The following MED13L variants were observed in gnomAD, a reference collection of about 807,000 sequenced individuals.
MED13L encodes mediator of RNA polymerase II transcription subunit 13-like.
MED13L carries 7 observed loss-of-function variants against 220.9 expected under a neutral mutation model. The ratio of observed to expected loss-of-function variants is 0.03; its 90% CI spans 0.02 to 0.06. The LOEUF (loss-of-function observed/expected upper bound fraction) is 0.06. Ranked by LOEUF, MED13L falls within the 10% of genes least tolerant of loss-of-function variation. MED13L has a pLI of 1.00. For missense variants in MED13L, 1,965 were observed against 2,760.5 expected (o/e 0.71, Z 6.46); for synonymous variants, 1,011 against 1,015.2 (o/e 1.00, Z 0.08).
In MED13L at chr12:116,022,610, G is replaced by C. The variant is rs747533413; in HGVS notation, c.480-9C>G. 1.2e-5 allele frequency: 19 copies of C among 1,609,822 alleles called. No individual in the cohort carries two copies. The highest frequency in any genetic ancestry group is 1.6e-5 in the Non-Finnish European group (19 of 1,177,842). On this transcript the variant is annotated splice_polypyrimidine_tract_variant and intron_variant, in intron 4 of 30. Coordinates refer to ENST00000281928, the MANE Select transcript of MED13L (RefSeq NM_015335.5). ...CACAGGACAAATGCTCACTACAAAA[G>C]AGAGAATGAGAAACTCAACTTTATA... is the stretch of plus-strand genomic sequence containing the variant.
intron 2 of MED13L, among the ~76,000 whole-genome samples, chr12:116,114,619 A>G (rs1234189009): frequency 6.6e-6 from 1 of 152,210 alleles, no homozygotes; most frequent in African/African-American, 2.4e-5. Flanking sequence ...ATTCCACATT[A>G]TACCTGAATT....
chr12:116,023,884 A>G (rs1159399946), intron 4 of MED13L, among the ~76,000 whole-genome samples: 1 of 152,244 alleles, frequency 6.6e-6, no homozygotes, highest in East Asian at 1.9e-4. Flanking sequence ...TAGGTATAAA[A>G]TAATATAAAC....
intron 1 of MED13L, among the ~76,000 whole-genome samples, chr12:116,252,089 T>C (rs867040096): frequency 3.9e-5 from 6 of 152,068 alleles, no homozygotes; most frequent in African/African-American, 1.5e-4. Flanking sequence ...AAAATTATAA[T>C]TGGAGACTTC....
chr12:116,002,211 A>C (rs1409231647), intron 14 of MED13L, among the ~76,000 whole-genome samples: 1 of 152,214 alleles, frequency 6.6e-6, no homozygotes, highest in Non-Finnish European at 1.5e-5. Flanking sequence ...AAAGCTATGG[A>C]TCCACTAAAG....
rs769874135 is a variant in MED13L, at chr12:115,966,121, C to T, written c.6348G>A (p.Ser2116=). The part of the protein sequence containing the change: ...AENLPQWFWS[S]CPQAQNQCPL... ...GGCACTGGTTTTGAGCCTGGGGACA[C>T]GATGACCAAAACCACTGGGGAAGAT... The change falls in exon 29 of 31, where the codon TCG becomes TCA. Residue 2116 remains serine, a synonymous_variant. Transcript: ENST00000281928. 63 of 1,614,046 alleles carry T rather than the reference C, an allele frequency of 3.9e-5. No individual in the cohort carries two copies. The highest frequency in any genetic ancestry group is 1.5e-4 in the Admixed American group (9 of 60,002).
At chr12:116,274,343 T>TA (rs1873634435) in intron 1 of MED13L, among the ~76,000 whole-genome samples, 1 of 150,026 alleles carries the variant, frequency 6.7e-6, no homozygotes, top group Admixed American at 6.7e-5. Context: ...GTACAGAACT[T>TA]AATCTCTTAT....
Position 116,199,088 on chromosome 12 carries a change from G to T in MED13L, c.310+38380C>A, listed in dbSNP as rs547411082. 3.2e-3 allele frequency among the ~76,000 whole-genome samples: 492 copies of T among 152,264 alleles called. 4 individuals carry two copies. Among genetic ancestry groups the T allele is most frequent in the African/African-American group, 0.011 (458 of 41,544 alleles). On this transcript the variant is annotated intron_variant, in intron 2 of 30. Coordinates refer to ENST00000281928, the MANE Select transcript of MED13L (RefSeq NM_015335.5). Reference sequence around the variant, plus strand: ...ACCCATTTAGAGAAAAAGTTACCATGTTCTTATTTGCTTGTTCTTTCTCCT... The same window carrying T: ...ACCCATTTAGAGAAAAAGTTACCATTTTCTTATTTGCTTGTTCTTTCTCCT...
At chr12:116,207,816 C>T (rs1882446901) in intron 2 of MED13L, among the ~76,000 whole-genome samples, 2 of 151,746 alleles carry the variant, frequency 1.3e-5, no homozygotes, top group Non-Finnish European at 2.9e-5. Flanking sequence ...TAAGTCTGTT[C>T]ACTGAAAAGG....
chr12:116,240,733 G>A (rs1018857275), intron 1 of MED13L, among the ~76,000 whole-genome samples: 1 of 149,816 alleles, frequency 6.7e-6, no homozygotes, highest in African/African-American at 2.5e-5. Flanking sequence ...AGACGGGGGG[G>A]TTTCACTGTG....
At chr12:116,165,259 C>CT (rs34196219) in intron 2 of MED13L, among the ~76,000 whole-genome samples, 4,610 of 74,458 alleles carry the variant, frequency 0.062, 554 homozygotes, top group African/African-American at 0.13. Context: ...AGGCACCATC[C>CT]TTTTTTTTTT....
rs999709148 is a variant in MED13L, at chr12:115,959,877, C to T, written c.*1389G>A. Reference sequence around the variant, plus strand: ...AGGACATGGAAGTCTCTTGGAAGAACTTTTAAAATTTGCATGATTCTCTCC... The same window carrying T: ...AGGACATGGAAGTCTCTTGGAAGAATTTTTAAAATTTGCATGATTCTCTCC... On this transcript the variant is annotated 3_prime_UTR_variant, in exon 31 of 31. Coordinates refer to ENST00000281928, the MANE Select transcript of MED13L (RefSeq NM_015335.5). 3.9e-5 allele frequency: 6 copies of T among 152,496 alleles called. No homozygotes were observed. The highest frequency in any genetic ancestry group is 1.3e-4 in the Admixed American group (2 of 15,266). 9.4% of individuals were successfully genotyped at this position (152,496 alleles called of 1,614,324 possible).
chr12:116,049,416 T>C (rs1283397635), intron 4 of MED13L, among the ~76,000 whole-genome samples: 3 of 152,290 alleles, frequency 2.0e-5, no homozygotes, highest in Admixed American at 1.3e-4. Flanking sequence ...CTTAAATGTA[T>C]CACATAATTT....
chr12:116,232,856 G>T (rs879344976), intron 2 of MED13L, among the ~76,000 whole-genome samples: 2 of 152,182 alleles, frequency 1.3e-5, no homozygotes. Flanking sequence ...GGAGGCCGAG[G>T]CGGGCGGATC....
At chr12:115,966,592 C>CTT (rs1323004073) in intron 28 of MED13L, among the ~76,000 whole-genome samples, 1 of 152,216 alleles carries the variant, frequency 6.6e-6, no homozygotes, top group Non-Finnish European at 1.5e-5. Context: ...CGCAGGTGCT[C>CTT]TTTCACCAGC....
At chr12:116,066,408 T>A (rs999618211) in intron 4 of MED13L, among the ~76,000 whole-genome samples, 1 of 152,198 alleles carries the variant, frequency 6.6e-6, no homozygotes, top group Non-Finnish European at 1.5e-5. Context: ...GGATTTATTT[T>A]CATGGGATTA....
intron 2 of MED13L, among the ~76,000 whole-genome samples, chr12:116,132,758 A>G (rs1274105059): frequency 6.6e-6 from 1 of 152,102 alleles, no homozygotes; most frequent in Non-Finnish European, 1.5e-5. Flanking sequence ...TGTCTCTACT[A>G]AAAATACAAA....
At chr12:116,208,818 T>A (rs921387987) in intron 2 of MED13L, among the ~76,000 whole-genome samples, 2 of 152,072 alleles carry the variant, frequency 1.3e-5, no homozygotes, top group African/African-American at 4.8e-5. Flanking sequence ...ATCATTTTTT[T>A]AATTAGCCAC....
At chr12:116,105,607 C>T (rs1206654338) in intron 3 of MED13L, among the ~76,000 whole-genome samples, 4 of 152,004 alleles carry the variant, frequency 2.6e-5, no homozygotes, top group Non-Finnish European at 4.4e-5. Context: ...GTTTTAAAAA[C>T]CAGGTATAAA....
intron 2 of MED13L, among the ~76,000 whole-genome samples, chr12:116,146,592 T>C (rs115297243): frequency 2.1e-4 from 32 of 152,034 alleles, no homozygotes; most frequent in African/African-American, 7.5e-4. Context: ...TAGCCAACCA[T>C]GGTGACTCAC....
Sources: allele counts gnomAD v4.1 joint callset (sites outside exome capture counted in the v4.1 genomes callset), GRCh38; gene constraint gnomAD v4.1.1; transcripts MANE v1.5; gene names NCBI Gene and HGNC (gene_info 2026-07-23, HGNC 2026-07-21).